The following EPB41L4B variants were observed in gnomAD, a reference collection of about 807,000 sequenced individuals.
The protein encoded by EPB41L4B is band 4.1-like protein 4B.
A neutral mutation model predicts 112.5 loss-of-function variants in EPB41L4B; 30 were observed. That is an observed-to-expected ratio of 0.27 (90% CI 0.20 to 0.36). EPB41L4B has a LOEUF of 0.36. EPB41L4B is among the 10% of genes least tolerant of loss of function. The pLI, the probability that EPB41L4B is intolerant of heterozygous loss-of-function variation, is 1.00. For missense variants in EPB41L4B, 1,024 were observed against 1,133.3 expected (o/e 0.90, Z 1.38); for synonymous variants, 408 against 439.7 (o/e 0.93, Z 0.90).
At chr9:109,185,450 C>G in intron 23 of EPB41L4B, 39 bp downstream of exon 23, 1 of 1,583,980 alleles carries the variant, frequency 6.3e-7, no homozygotes, top group South Asian at 1.1e-5. Flanking sequence ...CCCACCTCAC[C>G]TCTCCTGGCC....
At chr9:109,283,361 G>T (rs1238025571) in intron 1 of EPB41L4B, among the ~76,000 whole-genome samples, 1 of 152,204 alleles carries the variant, frequency 6.6e-6, no homozygotes, top group East Asian at 1.9e-4. Flanking sequence ...TAAAAACAAA[G>T]AATGAAAACT....
chr9:109,277,084 T>C (rs1219958183), intron 2 of EPB41L4B, among the ~76,000 whole-genome samples: 1 of 152,134 alleles, frequency 6.6e-6, no homozygotes, highest in African/African-American at 2.4e-5. Flanking sequence ...GTCTGACTTC[T>C]AGTTCAGGGC....
At chr9:109,226,828 G>T (rs538175606) in intron 15 of EPB41L4B, among the ~76,000 whole-genome samples, 45 of 146,404 alleles carry the variant, frequency 3.1e-4, no homozygotes, top group African/African-American at 1.1e-3. Flanking sequence ...TATATATGAA[G>T]AATATATATA....
chr9:109,242,940 T>C (rs946766207), intron 15 of EPB41L4B, among the ~76,000 whole-genome samples: 11 of 151,326 alleles, frequency 7.3e-5, no homozygotes, highest in African/African-American at 2.4e-4. Flanking sequence ...TTATGGTAGG[T>C]TGGGGCCAAG....
At chr9:109,262,473 G>GTC (rs1391033472) in intron 6 of EPB41L4B, among the ~76,000 whole-genome samples, 2 of 151,672 alleles carry the variant, frequency 1.3e-5, no homozygotes, top group African/African-American at 2.4e-5. Flanking sequence ...GTGTGTGTGT[G>GTC]TGTGTGCAAA....
intron 6 of EPB41L4B, among the ~76,000 whole-genome samples, chr9:109,258,916 G>A (rs893365561): frequency 5.3e-5 from 8 of 152,176 alleles, no homozygotes; most frequent in African/African-American, 1.9e-4. Context: ...ATCCGAGCAA[G>A]AAGCCCAATT....
Position 109,321,043 on chromosome 9 carries a change from G to T in EPB41L4B, c.-597C>A. On this transcript the variant is annotated 5_prime_UTR_variant, in exon 1 of 26. Transcript: ENST00000374566. ...GCCGCCGCCGCCGCCGCTGCCGCCG[G>T]GACTGCAGCACGCCCTCCTCCCTCG... 5.3e-6 allele frequency: 1 copy of T among 187,858 alleles called. No individual in the cohort carries two copies. The highest frequency in any genetic ancestry group is 1.1e-5 in the Non-Finnish European group (1 of 92,968). The allele number at this position is 187,858 out of a possible 1,614,324, so 11.6% of individuals were successfully genotyped here.
At chr9:109,206,684 G>A (rs1236784384) in intron 18 of EPB41L4B, among the ~76,000 whole-genome samples, 1 of 152,102 alleles carries the variant, frequency 6.6e-6, no homozygotes, top group African/African-American at 2.4e-5. Context: ...GGTCCACCAG[G>A]GATACCTGTT....
In EPB41L4B at chr9:109,209,207, C is replaced by T. The variant is rs116831918; in HGVS notation, c.1753-1158G>A. 2.5e-3 allele frequency among the ~76,000 whole-genome samples: 386 copies of T among 152,138 alleles called. 2 individuals are homozygous for T. Among genetic ancestry groups the T allele is most frequent in the African/African-American group, 8.8e-3 (366 of 41,516 alleles). On this transcript the variant is annotated intron_variant, in intron 17 of 25. Transcript: ENST00000374566. ...TATAGAGCAACTGGCCAGCTAATAT[C>T]GTTTAATAAAGAAATGAGGTAGAGT...
chr9:109,263,788 G>A (rs939460274), intron 5 of EPB41L4B, among the ~76,000 whole-genome samples: 2 of 152,102 alleles, frequency 1.3e-5, no homozygotes, highest in Non-Finnish European at 2.9e-5. Flanking sequence ...GAGCCCCCCC[G>A]ACCCATCTCC....
chr9:109,256,477 T>C lies in EPB41L4B; in HGVS notation c.756A>G (p.Gly252=), dbSNP rs763810664. The change falls in exon 8 of 26, where the codon GGA becomes GGG. Residue 252 remains glycine, a synonymous_variant. Transcript: ENST00000374566. Reference sequence around the variant, plus strand: ...AGAGTTCCGCCTGGGCAGGGCTCTTTCCCCTTAGAAAAACCAATGGAAATA... The same window carrying C: ...AGAGTTCCGCCTGGGCAGGGCTCTTCCCCCTTAGAAAAACCAATGGAAATA... The part of the protein sequence containing the change: ...DIFQRWKECR[G]KSPAQAELSY... 2.7e-5 allele frequency: 43 copies of C among 1,613,736 alleles called. No individual in the cohort carries two copies. The highest frequency in any genetic ancestry group is 2.2e-5 in the Non-Finnish European group (26 of 1,179,946).
At chr9:109,269,023 G>C (rs1171907481) in intron 2 of EPB41L4B, among the ~76,000 whole-genome samples, 2 of 151,806 alleles carry the variant, frequency 1.3e-5, no homozygotes, top group Admixed American at 1.3e-4. Context: ...TTAACCAATT[G>C]ATCAGCAGAA....
chr9:109,260,576 G>A (rs1014354172), intron 6 of EPB41L4B, among the ~76,000 whole-genome samples: 5 of 151,994 alleles, frequency 3.3e-5, no homozygotes, highest in Admixed American at 2.6e-4. Flanking sequence ...CACCATGCCT[G>A]GCTAATTTTT....
At chr9:109,196,493 C>A (rs978480402) in intron 20 of EPB41L4B, among the ~76,000 whole-genome samples, 10 of 152,102 alleles carry the variant, frequency 6.6e-5, no homozygotes, top group African/African-American at 2.4e-4. Flanking sequence ...CCAAGGCAGG[C>A]GATTGCTTGA....
chr9:109,214,482 CGAA>C (rs1259240417), intron 16 of EPB41L4B, among the ~76,000 whole-genome samples: 1 of 152,018 alleles, frequency 6.6e-6, no homozygotes, highest in Non-Finnish European at 1.5e-5. Flanking sequence ...GGAGATATTC[CGAA>C]GAAGACTGAG....
At chr9:109,247,569 A>G (rs1834606891) in intron 14 of EPB41L4B, among the ~76,000 whole-genome samples, 187 bp downstream of exon 14, 1 of 152,204 alleles carries the variant, frequency 6.6e-6, no homozygotes, top group African/African-American at 2.4e-5. Context: ...CAGGGGTCAG[A>G]AGGAAAGGGC....
chr9:109,257,979 G>A (rs971257955), intron 7 of EPB41L4B, among the ~76,000 whole-genome samples, 198 bp downstream of exon 7: 3 of 152,204 alleles, frequency 2.0e-5, no homozygotes, highest in African/African-American at 7.2e-5. Context: ...CTGGGCAACA[G>A]AGCGAGACTC....
At chr9:109,181,393 C>T (rs1213375676) in intron 24 of EPB41L4B, among the ~76,000 whole-genome samples, 1 of 152,158 alleles carries the variant, frequency 6.6e-6, no homozygotes, top group African/African-American at 2.4e-5. Flanking sequence ...CATCACAGCA[C>T]CCTGCCTCTC....
chr9:109,279,421 T>C (rs1393810245), intron 2 of EPB41L4B, among the ~76,000 whole-genome samples: 1 of 152,154 alleles, frequency 6.6e-6, no homozygotes, highest in Non-Finnish European at 1.5e-5. Flanking sequence ...TTCACCTTGT[T>C]GCCCAGGCTG....
Sources: gnomAD v4.1 joint callset for allele counts (sites outside exome capture counted in the v4.1 genomes callset) on GRCh38, gnomAD v4.1.1 for gene constraint, MANE v1.5 for transcripts, NCBI Gene and HGNC (gene_info 2026-07-23, HGNC 2026-07-21) for gene names.